The following EXPH5 variants were observed in gnomAD, a reference collection of about 807,000 sequenced individuals.
EXPH5 encodes the protein exophilin 5, also known as exophilin-5.
In EXPH5, 42 loss-of-function variants were observed where a neutral mutation model predicts 41.1. That is an observed-to-expected ratio of 1.02 (90% confidence interval 0.80 to 1.32). EXPH5 has a LOEUF of 1.32. Ranked by LOEUF, EXPH5 falls within the 40% of genes most tolerant of loss-of-function variation. The pLI is 0.00. For missense variants in EXPH5, 2,298 were observed against 2,314.5 expected (o/e 0.99, Z 0.15); for synonymous variants, 798 against 833.5 (o/e 0.96, Z 0.73).
chr11:108,525,919 T>C (rs1479186757), intron 4 of EXPH5, among the ~76,000 whole-genome samples: 2 of 82,366 alleles, frequency 2.4e-5, no homozygotes, highest in Admixed American at 2.2e-4. Context: ...TTTTCTTTTC[T>C]TTTTTTTTTT....
intron 3 of EXPH5, among the ~76,000 whole-genome samples, chr11:108,528,671 CTTTCT>C (rs957744223): frequency 3.2e-5 from 4 of 126,662 alleles, no homozygotes; most frequent in African/African-American, 8.8e-5. Flanking sequence ...CTAGAGCCCT[CTTTCT>C]TTTCTTTTTT....
In EXPH5 at chr11:108,511,198, T is replaced by A; in HGVS notation, c.4309A>T (p.Asn1437Tyr). The change falls in exon 6 of 6, where the codon AAT (asparagine) becomes TAT (tyrosine). Residue 1437 changes from asparagine (N) to tyrosine (Y), a missense_variant. Physicochemically the swap from Asn to Tyr is moderately radical, Grantham distance 143. Coordinates refer to ENST00000265843, the MANE Select transcript of EXPH5 (RefSeq NM_015065.3). ...LPALSEVNIG[N>Y]SQTRRSSWEC... ...CAAGAACTTCTTCTAGTTTGGGAAT[T>A]TCCAATATTAACTTCTGAAAGAGCT... 6.2e-7 allele frequency: 1 copy of A among 1,613,264 alleles called. No individual in the cohort carries two copies. The highest frequency in any genetic ancestry group is 8.5e-7 in the Non-Finnish European group (1 of 1,179,828).
In EXPH5 at chr11:108,510,291, C is replaced by T. The variant is rs2093669014; in HGVS notation, c.5216G>A (p.Ser1739Asn). 1 of 1,614,090 alleles carries T rather than the reference C, an allele frequency of 6.2e-7. No homozygotes were observed. The highest frequency in any genetic ancestry group is 2.2e-5 in the East Asian group (1 of 44,880). The change falls in exon 6 of 6, where the codon AGC becomes AAC. Residue 1739 changes from serine to asparagine, a missense_variant. By Grantham distance (46) the Ser-to-Asn change is conservative. Transcript: ENST00000265843. The part of the protein sequence containing the change: ...SGAPSPITFT[S>N]LREAEFSDNQ... ...GTCAGAGAATTCTGCTTCCCTGAGG[C>T]TGGTGAATGTGATGGGTGATGGGGC...
Position 108,528,222 on chromosome 11 carries a change from G to A in EXPH5, c.444-38C>T, listed in dbSNP as rs199521548. ...TTTGAAATGATTTCTTTGAAGAAGA[G>A]CCTAACTTTTACCAGGCGGAAAAAT... On this transcript the variant is annotated intron_variant, in intron 3 of 5. Coordinates refer to ENST00000265843, the MANE Select transcript of EXPH5 (RefSeq NM_015065.3). 5 of 1,502,958 alleles carry A rather than the reference G, an allele frequency of 3.3e-6. No individual in the cohort carries two copies. In the African/African-American group the frequency reaches 5.5e-5, roughly 17 times the overall value. 93.1% of individuals were successfully genotyped at this position (1,502,958 alleles called of 1,614,324 possible).
chr11:108,520,391 C>T (rs1039622554), intron 4 of EXPH5, among the ~76,000 whole-genome samples: 2 of 151,900 alleles, frequency 1.3e-5, no homozygotes, highest in African/African-American at 4.8e-5. Context: ...TGGTAGAACC[C>T]CTCAGATGCC....
At chr11:108,599,537 T>C in the EXPH5 span, among the ~76,000 whole-genome samples, 1 of 152,204 alleles carries the variant, frequency 6.6e-6, no homozygotes, top group African/African-American at 2.4e-5. Context: ...AAAAAGAAAC[T>C]TCAGTTCTGA....
chr11:108,572,750 G>C (rs1244811144), intron 1 of EXPH5, among the ~76,000 whole-genome samples: 1 of 151,914 alleles, frequency 6.6e-6, no homozygotes, highest in African/African-American at 2.4e-5. Context: ...GTAGAGATGG[G>C]GTTTCACCAT....
chr11:108,557,765 A>G (rs1005163064), intron 1 of EXPH5, among the ~76,000 whole-genome samples: 1 of 152,126 alleles, frequency 6.6e-6, no homozygotes, highest in Admixed American at 6.6e-5. Context: ...AAGCATGAGG[A>G]CGTTGCCTGT....
At chr11:108,564,552 T>TA (rs2094026432) in intron 1 of EXPH5, among the ~76,000 whole-genome samples, 2 of 152,236 alleles carry the variant, frequency 1.3e-5, no homozygotes, top group Non-Finnish European at 2.9e-5. Context: ...ATTTCTAATT[T>TA]TTTAGAGTCA....
At position 108,509,909 on chromosome 11, in the gene EXPH5, A is replaced by G. The variant is rs780092702; in HGVS notation, c.5598T>C (p.Tyr1866=). 1.2e-6 allele frequency: 2 copies of G among 1,609,372 alleles called. No homozygotes were observed. Among genetic ancestry groups the G allele is most frequent in the Non-Finnish European group, 1.7e-6 (2 of 1,178,222 alleles). Residue 1866 remains tyrosine, a synonymous_variant, in exon 6 of 6, where the codon TAT becomes TAC. Coordinates refer to ENST00000265843, the MANE Select transcript of EXPH5 (RefSeq NM_015065.3). ...TGGGACCTGTTTTTGTCCCGCTGCG[A>G]TAAGCCCAACTTTCATTTCCATCAC... ...PSCDGNESWA[Y]RSGTKTGPRS... is the part of the protein sequence containing the mutation.
intron 1 of EXPH5, among the ~76,000 whole-genome samples, chr11:108,557,925 A>G (rs2093996778): frequency 6.6e-6 from 1 of 152,066 alleles, no homozygotes; most frequent in South Asian, 2.1e-4. Context: ...GAGGCTATCA[A>G]GGATGCTTTC....
intron 1 of EXPH5, among the ~76,000 whole-genome samples, chr11:108,557,215 T>TTTGC (rs1357857897): frequency 6.6e-5 from 10 of 152,188 alleles, no homozygotes; most frequent in Non-Finnish European, 1.5e-4. Context: ...TGTTTGTTTG[T>TTTGC]TTGCTTGTTT....
At chr11:108,541,147 C>T (rs936659315) in intron 2 of EXPH5, among the ~76,000 whole-genome samples, 2 of 152,154 alleles carry the variant, frequency 1.3e-5, no homozygotes, top group Non-Finnish European at 1.5e-5. Context: ...TTAAGTGATC[C>T]TCCTGCCTCT....
At chr11:108,526,695 A>T (rs1467444269) in intron 4 of EXPH5, among the ~76,000 whole-genome samples, 2 of 152,232 alleles carry the variant, frequency 1.3e-5, no homozygotes, top group Non-Finnish European at 2.9e-5. Context: ...AGAGCTGAGG[A>T]GCTGCTGGCA....
At chr11:108,538,074 G>A (rs1034240926) in intron 3 of EXPH5, 4 of 985,274 alleles carry the variant, frequency 4.1e-6, no homozygotes, top group Non-Finnish European at 4.8e-6. Context: ...GTGAAAGCTG[G>A]AAGTGAAAAA....
Position 108,538,982 on chromosome 11 carries a change from C to T in EXPH5, c.443+42G>A, listed in dbSNP as rs115610855. 1.1e-4 allele frequency: 167 copies of T among 1,482,762 alleles called. No homozygotes were observed. The African/African-American group carries it at 2.1e-3, about 19-fold the overall frequency. 91.9% of individuals were successfully genotyped at this position (1,482,762 alleles called of 1,614,324 possible). ...AAAACAGGCTGCTGGCCTCTGATAT[C>T]GGATAACAAATGGGCCGTAACATGA... On this transcript the variant is annotated intron_variant, in intron 3 of 5. Coordinates refer to ENST00000265843, the MANE Select transcript of EXPH5 (RefSeq NM_015065.3).
rs544814438 is a variant in EXPH5 at position 108,580,423 on chromosome 11, T to A, written c.119+12995A>T. On this transcript the variant is annotated intron_variant, in intron 1 of 5. Coordinates refer to ENST00000265843, the MANE Select transcript of EXPH5 (RefSeq NM_015065.3). ...AAAAAATAACAAATGCTGGTGAGGA[T>A]GTGGAGAAAAGGGAACTCTTATACA... 1.4e-3 allele frequency among the ~76,000 whole-genome samples: 210 copies of A among 151,888 alleles called. 3 individuals are homozygous for A. The highest frequency in any genetic ancestry group is 4.9e-3 in the African/African-American group (205 of 41,466).
rs902040406 is a variant in EXPH5, at chr11:108,507,217, T to C, written c.*2320A>G. ...TTTAGGGAATAGCTTTCATGTTAGT[T>C]ACCGCATGTTCATTAGCTTTGAGTT... On this transcript the variant is annotated 3_prime_UTR_variant, in exon 6 of 6. Coordinates refer to ENST00000265843, the MANE Select transcript of EXPH5 (RefSeq NM_015065.3). The C allele has an allele frequency of 6.6e-6, 1 of 152,200 alleles. No homozygotes were observed. Among genetic ancestry groups the C allele is most frequent in the Non-Finnish European group, 1.5e-5 (1 of 68,036 alleles). 9.4% of individuals were successfully genotyped at this position (152,200 alleles called of 1,614,324 possible).
At position 108,513,883 on chromosome 11, in the gene EXPH5, A is replaced by G. The variant is rs1160327573; in HGVS notation, c.1624T>C (p.Ser542Pro). 6.2e-7 allele frequency: 1 copy of G among 1,612,468 alleles called. No homozygotes were observed. Among genetic ancestry groups the G allele is most frequent in the African/African-American group, 1.3e-5 (1 of 74,956 alleles). ...GGATGTGGCTCTTCTTGGCCTCTGG[A>G]AACATCTGTTCCATAACCAGAAGAA... ...SFSSGYGTDV[S>P]RGQEEPHPWQ... Residue 542 changes from serine (S) to proline (P), a missense_variant, in exon 6 of 6, where the codon TCC (serine) becomes CCC (proline). Ser to Pro is a moderately conservative substitution (Grantham distance 74). Coordinates refer to ENST00000265843, the MANE Select transcript of EXPH5 (RefSeq NM_015065.3).
Sources: gnomAD v4.1 joint callset for allele counts (sites outside exome capture counted in the v4.1 genomes callset) on GRCh38, gnomAD v4.1.1 for gene constraint, MANE v1.5 for transcripts, NCBI Gene and HGNC (gene_info 2026-07-23, HGNC 2026-07-21) for gene names.